Variants in FRMD6 observed in about 807,000 individuals in gnomAD.
FRMD6 encodes the protein FERM domain-containing protein 6.
In FRMD6, 37 loss-of-function variants were observed where a neutral mutation model predicts 73.2. That is an observed-to-expected ratio of 0.51 (90% CI 0.39 to 0.66). The LOEUF is 0.66. Ranked by LOEUF, FRMD6 falls within the 30% of genes least tolerant of loss-of-function variation. The pLI is 0.00. For missense variants in FRMD6, 714 were observed against 780.5 expected (o/e 0.91, Z 1.02); for synonymous variants, 273 against 282.2 (o/e 0.97, Z 0.33).
the FRMD6 span, among the ~76,000 whole-genome samples, chr14:51,456,619 A>C: frequency 1.3e-5 from 2 of 152,138 alleles, no homozygotes; most frequent in Non-Finnish European, 2.9e-5. Flanking sequence ...GGCTGCATAA[A>C]TGTCTTCTTC....
the FRMD6 span, among the ~76,000 whole-genome samples, chr14:51,409,534 CT>C: frequency 1.3e-5 from 2 of 152,040 alleles, no homozygotes; most frequent in Admixed American, 1.3e-4. Context: ...GGCTTTAATT[CT>C]TGTTAAAATG....
chr14:51,464,823 C>T, the FRMD6 span, among the ~76,000 whole-genome samples: 1 of 152,124 alleles, frequency 6.6e-6, no homozygotes, highest in Non-Finnish European at 1.5e-5. Context: ...TGCTGCCAGC[C>T]AGGTATATAT....
chr14:51,687,609 AAGAAGTTGCCTGCAACACTTCTC>A (rs1294853294), intron 1 of FRMD6, among the ~76,000 whole-genome samples: 16 of 152,194 alleles, frequency 1.1e-4, no homozygotes, highest in African/African-American at 3.9e-4. Flanking sequence ...CATTAAATAT[AAGAAGTTGCCTGCAACACTTCTC>A]AGAGCCTTTA....
At chr14:51,544,385 G>A (rs992044860) in intron 1 of FRMD6, among the ~76,000 whole-genome samples, 11 of 151,832 alleles carry the variant, frequency 7.2e-5, no homozygotes, top group African/African-American at 2.2e-4. Flanking sequence ...AACTAAAATC[G>A]TTCTTCTTCA....
chr14:51,624,487 C>G (rs1411641600), intron 2 of FRMD6, among the ~76,000 whole-genome samples: 4 of 152,202 alleles, frequency 2.6e-5, no homozygotes, highest in African/African-American at 4.8e-5. Context: ...AAATTGCACT[C>G]TTCAATTTCT....
the FRMD6 span, among the ~76,000 whole-genome samples, chr14:51,447,808 A>C: frequency 6.6e-6 from 1 of 152,092 alleles, no homozygotes; most frequent in African/African-American, 2.4e-5. Context: ...ACCACCATCC[A>C]TGCACGATTA....
In FRMD6 at chr14:51,722,137, A is replaced by C. The variant is rs879196877; in HGVS notation, c.1492+57A>C. The stretch of plus-strand genomic sequence containing the variant: ...GTAGCAGGTTATCCAGGACTGAAAA[A>C]CACATGCCTCAGAAAATAGAAGGGG... On this transcript the variant is annotated intron_variant, in intron 12 of 13. Coordinates refer to ENST00000344768, the MANE Select transcript of FRMD6 (RefSeq NM_001267046.2). 1.6e-5 allele frequency: 26 copies of C among 1,594,380 alleles called. No homozygotes were observed. In the Admixed American group the frequency reaches 4.0e-4, roughly 25 times the overall value.
chr14:51,428,923 A>AG, the FRMD6 span, among the ~76,000 whole-genome samples: 910 of 139,456 alleles, frequency 6.5e-3, 15 homozygotes, highest in African/African-American at 0.022. Context: ...GGAGAGAGAG[A>AG]GGGGGAGAGA....
At chr14:51,456,075 A>AG in the FRMD6 span, among the ~76,000 whole-genome samples, 1 of 152,144 alleles carries the variant, frequency 6.6e-6, no homozygotes, top group Non-Finnish European at 1.5e-5. Flanking sequence ...ACTGGGCTTG[A>AG]GGGGGCTCTG....
At position 51,708,075 on chromosome 14, in the gene FRMD6, C is replaced by G; in HGVS notation, c.559-3C>G. 6.2e-7 allele frequency: 1 copy of G among 1,612,832 alleles called. No homozygotes were observed. The highest frequency in any genetic ancestry group is 8.5e-7 in the Non-Finnish European group (1 of 1,179,184). ...GCATTGCACACCCCTTGTATCCCAA[C>G]AGGTTGTTTCCAAGAGGGGGAAGGA... On this transcript the variant is annotated splice_region_variant and splice_polypyrimidine_tract_variant and intron_variant, in intron 6 of 13. Transcript: ENST00000344768.
intron 1 of FRMD6, among the ~76,000 whole-genome samples, chr14:51,506,007 G>A (rs1883942587): frequency 6.6e-6 from 1 of 152,046 alleles, no homozygotes; most frequent in African/African-American, 2.4e-5. Context: ...AACGCTTCCT[G>A]TAACAATCTG....
intron 1 of FRMD6, among the ~76,000 whole-genome samples, chr14:51,563,084 A>G (rs910432760): frequency 6.6e-6 from 1 of 152,228 alleles, no homozygotes; most frequent in Non-Finnish European, 1.5e-5. Context: ...GATGTGTAGC[A>G]TCGCCAGCAT....
At chr14:51,696,249 G>C (rs1895935707) in intron 2 of FRMD6, among the ~76,000 whole-genome samples, 1 of 151,410 alleles carries the variant, frequency 6.6e-6, no homozygotes, top group Non-Finnish European at 1.5e-5. Context: ...ATTGACCTGG[G>C]TGGTTTCTTA....
intron 1 of FRMD6, among the ~76,000 whole-genome samples, chr14:51,659,491 A>G (rs1183430866): frequency 6.6e-6 from 1 of 152,228 alleles, no homozygotes; most frequent in Non-Finnish European, 1.5e-5. Context: ...AGTTACAGAT[A>G]CTGGCAAGTC....
chr14:51,460,724 A>C, the FRMD6 span, among the ~76,000 whole-genome samples: 1 of 152,206 alleles, frequency 6.6e-6, no homozygotes, highest in Non-Finnish European at 1.5e-5. Flanking sequence ...TTTCCTGTAC[A>C]TGTTCTCAAC....
chr14:51,721,062 G>A (rs867827030), intron 11 of FRMD6, among the ~76,000 whole-genome samples: 5 of 152,146 alleles, frequency 3.3e-5, no homozygotes, highest in African/African-American at 1.2e-4. Context: ...CATCTTTTTG[G>A]TTTCTGTAGA....
rs556622974 is a variant in FRMD6 at position 51,694,506 on chromosome 14, A to G, written c.100-3636A>G. On this transcript the variant is annotated intron_variant, in intron 2 of 13. Coordinates refer to ENST00000344768, the MANE Select transcript of FRMD6 (RefSeq NM_001267046.2). Reference sequence around the variant, plus strand: ...GGAGATTGAGACCAGGCTGGGCAACATAGTGAGACCCCTGTCTCTACATAA... The same window carrying G: ...GGAGATTGAGACCAGGCTGGGCAACGTAGTGAGACCCCTGTCTCTACATAA... 2.0e-4 allele frequency among the ~76,000 whole-genome samples: 30 copies of G among 152,244 alleles called. 1 individual carries two copies. The highest frequency in any genetic ancestry group is 6.0e-4 in the African/African-American group (25 of 41,564).
chr14:51,486,710 G>C (rs559956629), upstream of FRMD6, among the ~76,000 whole-genome samples: 1 of 152,212 alleles, frequency 6.6e-6, no homozygotes, highest in Non-Finnish European at 1.5e-5. Context: ...CAAGTTGAAA[G>C]TGGATGAGAA....
chr14:51,446,003 C>T, the FRMD6 span, among the ~76,000 whole-genome samples: 1 of 152,068 alleles, frequency 6.6e-6, no homozygotes, highest in African/African-American at 2.4e-5. Flanking sequence ...GCAGAAGCGT[C>T]GAGAGGTTTG....
Sources: gnomAD v4.1 joint callset for allele counts (sites outside exome capture counted in the v4.1 genomes callset) on GRCh38, gnomAD v4.1.1 for gene constraint, MANE v1.5 for transcripts, NCBI Gene and HGNC (gene_info 2026-07-23, HGNC 2026-07-21) for gene names.